The following PEX11B variants were observed in gnomAD, a reference collection of about 807,000 sequenced individuals.
PEX11B encodes the protein peroxisomal membrane protein 11B.
In PEX11B, 18 loss-of-function variants were observed where a neutral mutation model predicts 28.2. The ratio of observed to expected loss-of-function variants is 0.64; its 90% CI spans 0.44 to 0.95. PEX11B has a LOEUF of 0.95. Ranked by LOEUF, PEX11B falls within the 40% of genes least tolerant of loss-of-function variation. The pLI is 0.00. For missense variants in PEX11B, 305 were observed against 319.8 expected (o/e 0.95, Z 0.35); for synonymous variants, 128 against 128.7 (o/e 0.99, Z 0.04).
At chr1:145,914,537 T>A (rs1466253353) in intron 3 of PEX11B, among the ~76,000 whole-genome samples, 4 of 152,190 alleles carry the variant, frequency 2.6e-5, no homozygotes, top group Non-Finnish European at 5.9e-5. Context: ...CTGCAATCAT[T>A]ATGCTCCAAC....
chr1:145,917,472 A>G (rs1032821742), intron 2 of PEX11B, among the ~76,000 whole-genome samples: 3 of 152,074 alleles, frequency 2.0e-5, no homozygotes, highest in African/African-American at 4.8e-5. Flanking sequence ...TTCAATTTCA[A>G]ATTTAATTTT....
chr1:145,918,439 T>C, intron 1 of PEX11B, 194 bp downstream of exon 1: 1 of 1,536,130 alleles, frequency 6.5e-7, no homozygotes, highest in South Asian at 1.2e-5. Flanking sequence ...TGCCTCAGTT[T>C]CCCCATCTCT....
intron 3 of PEX11B, among the ~76,000 whole-genome samples, chr1:145,914,621 C>T (rs587741115): frequency 1.2e-4 from 18 of 152,260 alleles, no homozygotes; most frequent in African/African-American, 4.3e-4. Flanking sequence ...TACCTATTCC[C>T]TCTACCTGGA....
At chr1:145,914,102 G>C (rs182506306) in intron 3 of PEX11B, among the ~76,000 whole-genome samples, 2 of 152,338 alleles carry the variant, frequency 1.3e-5, no homozygotes, top group East Asian at 1.9e-4. Context: ...TTGGCCAGGC[G>C]TGGTGGCTCA....
In PEX11B at chr1:145,918,334, G is replaced by A. The variant is rs587748140; in HGVS notation, c.56+299C>T. ...CAGAGTCTGGGGCTATCCACCGTGG[G>A]GCGAATGCTCCTCATTCCATCACCG... On this transcript the variant is annotated intron_variant, in intron 1 of 3. Coordinates refer to ENST00000369306, the MANE Select transcript of PEX11B (RefSeq NM_003846.3). 57 of 1,512,460 alleles carry A rather than the reference G, an allele frequency of 3.8e-5. 1 individual carries two copies. The East Asian group carries it at 1.1e-3, about 29-fold the overall frequency. The allele number at this position is 1,512,460 out of a possible 1,614,324, so 93.7% of individuals were successfully genotyped here.
Position 145,917,720 on chromosome 1 carries a change from G to A in PEX11B, c.153C>T (p.His51=). The A allele has an allele frequency of 6.2e-7, 1 of 1,601,118 alleles. No homozygotes were observed. The highest frequency in any genetic ancestry group is 8.6e-7 in the Non-Finnish European group (1 of 1,168,058). Residue 51 remains histidine, a synonymous_variant, in exon 2 of 4, where the codon CAC becomes CAT. Transcript: ENST00000369306. ...LQKQIRQLES[H]LSLGRKLLRL... ...ACTTACGCTTTCTTCCAAGGCTCAG[G>A]TGGCTCTCCAGTTGTCGAATCTGTT...
rs1553754131 is a variant in PEX11B at position 145,917,683 on chromosome 1, A to G, written c.172+18T>C. The G allele has an allele frequency of 7.2e-7, 1 of 1,384,682 alleles. No individual in the cohort carries two copies. The highest frequency in any genetic ancestry group is 1.0e-6 in the Non-Finnish European group (1 of 970,552). 85.8% of individuals were successfully genotyped at this position (1,384,682 alleles called of 1,614,324 possible). ...GGAGGAAAGGTTGGGGGATAAAAGG[A>G]AAGACAGAGTTACTTACGCTTTCTT... is the stretch of plus-strand genomic sequence containing the variant. On this transcript the variant is annotated intron_variant, in intron 2 of 3. Transcript: ENST00000369306.
At chr1:145,916,689 G>A (rs1647391244) in intron 3 of PEX11B, 128 bp downstream of exon 3, 1 of 664,608 alleles carries the variant, frequency 1.5e-6, no homozygotes, top group African/African-American at 1.8e-5. Flanking sequence ...TAAGTGATTG[G>A]AAGCCAAGTG....
rs782229863 is a variant in PEX11B at position 145,917,781 on chromosome 1, G to C, written c.92C>G (p.Ala31Gly). ...AGGACTGGCTCCATGCCTCTGCAGC[G>C]CATGGCCAAGAAGAGAGCAAGCATA... is the stretch of plus-strand genomic sequence containing the variant. ...AQYACSLLGH[A>G]LQRHGASPEL... Residue 31 changes from alanine (A) to glycine (G), a missense_variant, in exon 2 of 4, where the codon GCG (alanine) becomes GGG (glycine). Ala to Gly is a moderately conservative substitution (Grantham distance 60). Transcript: ENST00000369306. 4 of 1,613,372 alleles carry C rather than the reference G, an allele frequency of 2.5e-6. No individual in the cohort carries two copies. In the Admixed American group the frequency reaches 6.7e-5, roughly 27 times the overall value.
intron 1 of PEX11B, 89 bp from the exon 2 acceptor site, chr1:145,917,905 C>A: frequency 1.4e-6 from 2 of 1,400,372 alleles, no homozygotes; most frequent in East Asian, 4.7e-5. Context: ...AGACTTCCCC[C>A]TTTCCCAGTT....
At position 145,912,797 on chromosome 1, in the gene PEX11B, C is replaced by T. The variant is rs143128424; in HGVS notation, c.375-231G>A. On this transcript the variant is annotated intron_variant, in intron 3 of 3. Coordinates refer to ENST00000369306, the MANE Select transcript of PEX11B (RefSeq NM_003846.3). ...GCATAATCTCACTTATAGGTGGAAGCTAAAATAAGGCCGGGCGTGGTGGCT... is the reference window on the plus strand; with the variant it reads ...GCATAATCTCACTTATAGGTGGAAGTTAAAATAAGGCCGGGCGTGGTGGCT... Among the ~76,000 whole-genome samples the T allele has an allele frequency of 4.8e-3, 735 of 152,054 alleles. 6 individuals are homozygous for T. Among genetic ancestry groups the T allele is most frequent in the African/African-American group, 0.017 (697 of 41,498 alleles).
At chr1:145,913,087 C>CAA (rs79816387) in intron 3 of PEX11B, among the ~76,000 whole-genome samples, 21 of 65,578 alleles carry the variant, frequency 3.2e-4, no homozygotes, top group African/African-American at 5.8e-4. Context: ...GACTCTGTCT[C>CAA]AAAAAAAAAA....
chr1:145,917,609 G>T, intron 2 of PEX11B, 92 bp downstream of exon 2: 1 of 765,116 alleles, frequency 1.3e-6, no homozygotes, highest in South Asian at 1.5e-5. Context: ...TGAGAAAGAA[G>T]AACAGAGAGG....
rs781892707 is a variant in PEX11B at position 145,916,985 on chromosome 1, T to G, written c.206A>C (p.Glu69Ala). The G allele has an allele frequency of 1.2e-6, 2 of 1,613,708 alleles. No homozygotes were observed. The highest frequency in any genetic ancestry group is 1.7e-6 in the Non-Finnish European group (2 of 1,179,594). Reference protein sequence around the residue: ...LRLGNSADALESAKRAVHLSD... With the variant: ...LRLGNSADALASAKRAVHLSD... ...TAGGTGAACAGCTCTTTTGGCTGAC[T>G]CAAGGGCATCTGCTGAGTTACCCAG... The change falls in exon 3 of 4, where the codon GAG becomes GCG. Residue 69 changes from glutamate (E) to alanine (A), a missense_variant. Glu to Ala is a moderately radical substitution (Grantham distance 107). Transcript: ENST00000369306.
chr1:145,914,084 C>G (rs956304187), intron 3 of PEX11B, among the ~76,000 whole-genome samples: 6 of 152,242 alleles, frequency 3.9e-5, no homozygotes, highest in African/African-American at 1.4e-4. Context: ...TCTTAAAACT[C>G]TCCATGGTTG....
At chr1:145,915,696 C>T (rs1181984321) in intron 3 of PEX11B, among the ~76,000 whole-genome samples, 4 of 150,420 alleles carry the variant, frequency 2.7e-5, no homozygotes, top group South Asian at 2.1e-4. Flanking sequence ...TGCAATAGCA[C>T]GATCTCGGCT....
intron 3 of PEX11B, among the ~76,000 whole-genome samples, chr1:145,915,822 C>T (rs782812533): frequency 7.9e-5 from 12 of 151,906 alleles, no homozygotes; most frequent in Non-Finnish European, 1.2e-4. Context: ...TTAGTAGAGA[C>T]GGGGTTTTGC....
intron 3 of PEX11B, among the ~76,000 whole-genome samples, chr1:145,913,328 G>T (rs914660062): frequency 2.0e-5 from 3 of 152,070 alleles, no homozygotes; most frequent in Non-Finnish European, 2.9e-5. Context: ...AAGAAAAAAG[G>T]TAATTATGTG....
chr1:145,916,826 C>T lies in PEX11B; in HGVS notation c.365G>A (p.Arg122His), dbSNP rs370559930. Reference sequence around the variant, plus strand: ...GAACAGGATATCAAACCTGAATGAACGCTGGGCCCACTTCTCCTGATCCAC... The same window carrying T: ...GAACAGGATATCAAACCTGAATGAATGCTGGGCCCACTTCTCCTGATCCAC... The part of the protein sequence containing the change: ...PRVDQEKWAQ[R>H]SFRYYLFSLI... Residue 122 changes from arginine (R) to histidine (H), a missense_variant, in exon 3 of 4, where the codon CGT (arginine) becomes CAT (histidine). Coordinates refer to ENST00000369306, the MANE Select transcript of PEX11B (RefSeq NM_003846.3). The T allele has an allele frequency of 4.5e-5, 73 of 1,612,988 alleles. No homozygotes were observed. Among genetic ancestry groups the T allele is most frequent in the Non-Finnish European group, 5.5e-5 (65 of 1,179,264 alleles).
Sources: gnomAD v4.1 joint callset for allele counts (sites outside exome capture counted in the v4.1 genomes callset) on GRCh38, gnomAD v4.1.1 for gene constraint, MANE v1.5 for transcripts, NCBI Gene and HGNC (gene_info 2026-07-23, HGNC 2026-07-21) for gene names.